The following TMEM198 variants were observed in gnomAD, a reference collection of about 807,000 sequenced individuals.
The protein encoded by TMEM198 is transmembrane protein 198.
TMEM198 carries 21 observed loss-of-function variants against 31.5 expected under a neutral mutation model. That is an observed-to-expected ratio of 0.67 (90% CI 0.47 to 0.96). The LOEUF (loss-of-function observed/expected upper bound fraction) is 0.96, where lower values mean the gene tolerates loss of function less well. Among genes scored for constraint, TMEM198 ranks in the 40% least tolerant of loss-of-function variants. TMEM198 has a pLI of 0.00. For synonymous variants in TMEM198, 211 were observed against 223.3 expected (o/e 0.95, Z 0.49); for missense variants, 447 against 499.4 (o/e 0.89, Z 1.00).
In TMEM198 at chr2:219,547,509, A is replaced by G; in HGVS notation, c.170A>G (p.Tyr57Cys). 3 of 1,416,376 alleles carry G rather than the reference A, an allele frequency of 2.1e-6. No individual in the cohort carries two copies. Among genetic ancestry groups the G allele is most frequent in the Non-Finnish European group, 2.8e-6 (3 of 1,080,230 alleles). 87.7% of individuals were successfully genotyped at this position (1,416,376 alleles called of 1,614,324 possible). Residue 57 changes from tyrosine to cysteine, a missense_variant, in exon 3 of 5, where the codon TAC becomes TGC. Transcript: ENST00000373883. ...LFGVVYCFFG[Y>C]RCFKAVLFLT... ...ACTAGCCCCTGTTCCCCTCCAGGTT[A>G]CCGCTGCTTCAAGGCAGTGCTCTTT...
At chr2:219,549,696 C>T (rs1323732430) in intron 4 of TMEM198, 21 bp from the exon 5 acceptor site, 1 of 1,612,030 alleles carries the variant, frequency 6.2e-7, no homozygotes, top group Non-Finnish European at 8.5e-7. Context: ...GGGACTCACA[C>T]CTATGTTTGC....
rs1190999055 is a variant in TMEM198, at chr2:219,547,940, G to A, written c.601G>A (p.Val201Met). 4 of 1,593,742 alleles carry A rather than the reference G, an allele frequency of 2.5e-6. No individual in the cohort carries two copies. The highest frequency in any genetic ancestry group is 2.7e-5 in the African/African-American group (2 of 74,748). The change falls in exon 3 of 5, where the codon GTG (valine) becomes ATG (methionine). Residue 201 changes from valine (V) to methionine (M), a missense_variant. By Grantham distance (21) the Val-to-Met change is conservative. Coordinates refer to ENST00000373883, the MANE Select transcript of TMEM198 (RefSeq NM_001005209.3). ...CGAGCTGCTACTGCTGGGGCGCTACGTGGTGGAGCGACTCCGGGCTGCTCC... is the reference window on the plus strand; with the variant it reads ...CGAGCTGCTACTGCTGGGGCGCTACATGGTGGAGCGACTCCGGGCTGCTCC... ...FAELLLLGRY[V>M]VERLRAAPVP...
chr2:219,548,792 G>A (rs1332819406), intron 3 of TMEM198, among the ~76,000 whole-genome samples: 2 of 152,170 alleles, frequency 1.3e-5, no homozygotes, highest in Non-Finnish European at 2.9e-5. Flanking sequence ...TTCTGCTGCC[G>A]AGTGTAGAAA....
At chr2:219,545,180 A>G (rs562389474) in intron 2 of TMEM198, among the ~76,000 whole-genome samples, 1 of 152,244 alleles carries the variant, frequency 6.6e-6, no homozygotes, top group African/African-American at 2.4e-5. Context: ...AATGATCACA[A>G]TATTTGTCTC....
rs75933378 is a variant in TMEM198, at chr2:219,544,848, G to C, written c.121G>C (p.Val41Leu). Residue 41 changes from valine (V) to leucine (L), a missense_variant, in exon 2 of 5, where the codon GTC (valine) becomes CTC (leucine). Coordinates refer to ENST00000373883, the MANE Select transcript of TMEM198 (RefSeq NM_001005209.3). ...CAGGTACCAGGCACTGCCGGCCCTC[G>C]TCTGCATCATGTGCTGTTTGTTTGG... ...ERRYQALPAL[V>L]CIMCCLFGVV... 6.2e-7 allele frequency: 1 copy of C among 1,614,206 alleles called. No homozygotes were observed. Among genetic ancestry groups the C allele is most frequent in the African/African-American group, 1.3e-5 (1 of 75,054 alleles).
chr2:219,544,509 G>C, intron 1 of TMEM198, 132 bp downstream of exon 1: 1 of 612,826 alleles, frequency 1.6e-6, no homozygotes, highest in Non-Finnish European at 2.9e-6. Context: ...GCCTCCACTA[G>C]CCAGGCACTT....
At position 219,550,429 on chromosome 2, in the gene TMEM198, T is replaced by G. The variant is rs926470993; in HGVS notation, c.*575T>G. 2 of 198,748 alleles carry G rather than the reference T, an allele frequency of 1.0e-5. No homozygotes were observed. The highest frequency in any genetic ancestry group is 2.0e-5 in the Non-Finnish European group (2 of 97,954). 12.3% of individuals were successfully genotyped at this position (198,748 alleles called of 1,614,324 possible). A position where few individuals can be genotyped will look rare whatever the true frequency, so the allele number is the denominator to read the frequency against. On this transcript the variant is annotated 3_prime_UTR_variant, in exon 5 of 5. Transcript: ENST00000373883. ...GTGGCAGGAGATGGGGGTGGGGGGG[T>G]GCTGCTCTGGGCTGGGTTGGGAAGG...
At chr2:219,545,585 T>C (rs1176341380) in intron 2 of TMEM198, among the ~76,000 whole-genome samples, 2 of 152,226 alleles carry the variant, frequency 1.3e-5, no homozygotes, top group Non-Finnish European at 2.9e-5. Flanking sequence ...CACACCTTTT[T>C]CTAATATGCA....
At position 219,550,119 on chromosome 2, in the gene TMEM198, CTGTG is replaced by C. The variant is rs1264663639; in HGVS notation, c.*269_*272del. On this transcript the variant is annotated 3_prime_UTR_variant, in exon 5 of 5. Coordinates refer to ENST00000373883, the MANE Select transcript of TMEM198 (RefSeq NM_001005209.3). Reference sequence around the variant, plus strand: ...GGTTGTGAGTGTGTTGCCCGTGTGTCTGTGTGTATGTGTGTGGGGGTGGGCAGGC... The same window carrying C: ...GGTTGTGAGTGTGTTGCCCGTGTGTCTGTATGTGTGTGGGGGTGGGCAGGC... The C allele has an allele frequency of 8.9e-6, 4 of 448,280 alleles. No homozygotes were observed. Among genetic ancestry groups the C allele is most frequent in the East Asian group, 3.6e-5 (1 of 28,090 alleles). 27.8% of individuals were successfully genotyped at this position (448,280 alleles called of 1,614,324 possible). A position where few individuals can be genotyped will look rare whatever the true frequency, so the allele number is the denominator to read the frequency against.
At position 219,549,343 on chromosome 2, in the gene TMEM198, G is replaced by T; in HGVS notation, c.934G>T (p.Val312Phe). Reference protein sequence around the residue: ...PVPIKRFNGDVLSPSYIQSFR... With the variant: ...PVPIKRFNGDFLSPSYIQSFR... Reference sequence around the variant, plus strand: ...GCCCATCAAACGCTTCAATGGAGACGTCCTCTCCCCGGTGAGCTCCCTGAG... The same window carrying T: ...GCCCATCAAACGCTTCAATGGAGACTTCCTCTCCCCGGTGAGCTCCCTGAG... Residue 312 changes from valine to phenylalanine, a missense_variant, in exon 4 of 5, where the codon GTC (valine) becomes TTC (phenylalanine). Val to Phe is a conservative substitution (Grantham distance 50). Coordinates refer to ENST00000373883, the MANE Select transcript of TMEM198 (RefSeq NM_001005209.3). The T allele has an allele frequency of 1.2e-6, 2 of 1,612,436 alleles. No homozygotes were observed. The highest frequency in any genetic ancestry group is 1.1e-5 in the South Asian group (1 of 91,022).
rs760308674 is a variant in TMEM198, at chr2:219,544,818, G to C, written c.91G>C (p.Glu31Gln). Reference sequence around the variant, plus strand: ...GGGTGCACCTTGTGAACAGCCCCTGGAGCGCAGGTACCAGGCACTGCCGGC... The same window carrying C: ...GGGTGCACCTTGTGAACAGCCCCTGCAGCGCAGGTACCAGGCACTGCCGGC... ...FWGAPCEQPL[E>Q]RRYQALPALV... Residue 31 changes from glutamate (E) to glutamine (Q), a missense_variant, in exon 2 of 5, where the codon GAG becomes CAG. By Grantham distance (29) the Glu-to-Gln change is conservative. Transcript: ENST00000373883. The C allele has an allele frequency of 2.4e-5, 38 of 1,614,224 alleles. No homozygotes were observed. The South Asian group carries it at 4.0e-4, about 17-fold the overall frequency.
At position 219,547,988 on chromosome 2, in the gene TMEM198, A is replaced by T; in HGVS notation, c.649A>T (p.Ser217Cys). The T allele has an allele frequency of 6.3e-7, 1 of 1,587,562 alleles. No individual in the cohort carries two copies. Among genetic ancestry groups the T allele is most frequent in the Non-Finnish European group, 8.5e-7 (1 of 1,171,384 alleles). The change falls in exon 3 of 5, where the codon AGC becomes TGC. Residue 217 changes from serine (S) to cysteine (C), a missense_variant. Coordinates refer to ENST00000373883, the MANE Select transcript of TMEM198 (RefSeq NM_001005209.3). ...AAPVPPLCWR[S>C]WALLALWPLL... Reference sequence around the variant, plus strand: ...TCCTGTGCCCCCACTCTGCTGGCGAAGCTGGGCCCTGCTGGCACTCTGGCC... The same window carrying T: ...TCCTGTGCCCCCACTCTGCTGGCGATGCTGGGCCCTGCTGGCACTCTGGCC...
At chr2:219,543,833 G>T (rs1327792149), upstream of TMEM198, 1 of 430,168 alleles carries the variant, frequency 2.3e-6, no homozygotes, top group Non-Finnish European at 4.2e-6. Flanking sequence ...CCGGGGTGGG[G>T]TCTCGGGCTC....
chr2:219,544,907 C>T lies in TMEM198; in HGVS notation c.166+14C>T. The T allele has an allele frequency of 6.2e-7, 1 of 1,610,754 alleles. No individual in the cohort carries two copies. Among genetic ancestry groups the T allele is most frequent in the South Asian group, 1.1e-5 (1 of 91,028 alleles). ...ACTGCTTCTTCGGTGAGATCCCCAT[C>T]TCATCCCTCACCTGGGCTCCCCAGT... is the stretch of plus-strand genomic sequence containing the variant. On this transcript the variant is annotated intron_variant, in intron 2 of 4. Coordinates refer to ENST00000373883, the MANE Select transcript of TMEM198 (RefSeq NM_001005209.3).
At chr2:219,547,290 T>C (rs946251059) in intron 2 of TMEM198, 2 of 444,524 alleles carry the variant, frequency 4.5e-6, no homozygotes, top group Non-Finnish European at 7.9e-6. Flanking sequence ...TATGTTTGCC[T>C]TCCCATTGAC....
Position 219,547,298 on chromosome 2 carries a change from G to T in TMEM198, c.167-208G>T, listed in dbSNP as rs145509165. ...CAATGGTTATGTTTGCCTTCCCATT[G>T]ACCACCAACAGCCATATCTCTCTAA... On this transcript the variant is annotated intron_variant, in intron 2 of 4. Coordinates refer to ENST00000373883, the MANE Select transcript of TMEM198 (RefSeq NM_001005209.3). 3,889 of 451,990 alleles carry T rather than the reference G, an allele frequency of 8.6e-3. 29 individuals are homozygous for T. The highest frequency in any genetic ancestry group is 0.011 in the Non-Finnish European group (2,770 of 255,958). The allele number at this position is 451,990 out of a possible 1,614,324, so 28.0% of individuals were successfully genotyped here.
chr2:219,544,646 G>A, intron 1 of TMEM198, 43 bp from the exon 2 acceptor site: 1 of 1,529,292 alleles, frequency 6.5e-7, no homozygotes, highest in Non-Finnish European at 8.9e-7. Flanking sequence ...CATCCTGGTG[G>A]GGACCCAGGA....
In TMEM198 at chr2:219,549,862, T is replaced by C; in HGVS notation, c.*8T>C. The C allele has an allele frequency of 6.2e-7, 1 of 1,613,342 alleles. No individual in the cohort carries two copies. Among genetic ancestry groups the C allele is most frequent in the Non-Finnish European group, 8.5e-7 (1 of 1,179,444 alleles). On this transcript the variant is annotated 3_prime_UTR_variant, in exon 5 of 5. Coordinates refer to ENST00000373883, the MANE Select transcript of TMEM198 (RefSeq NM_001005209.3). ...CCCCCAGTGCGGGTATAGCCATATC[T>C]GTCTGTCTAGACTCTGCAGTCACCA...
intron 2 of TMEM198, chr2:219,547,278 G>C (rs1695408206): frequency 2.3e-6 from 1 of 428,194 alleles, no homozygotes; most frequent in Non-Finnish European, 4.1e-6. Flanking sequence ...GATCTCAATG[G>C]TTATGTTTGC....
Sources: allele counts gnomAD v4.1 joint callset (sites outside exome capture counted in the v4.1 genomes callset), GRCh38; gene constraint gnomAD v4.1.1; transcripts MANE v1.5; gene names NCBI Gene and HGNC (gene_info 2026-07-23, HGNC 2026-07-21).